FAM186A: variants seen among roughly 807,000 people sequenced by gnomAD.
FAM186A encodes the protein protein FAM186A.
FAM186A carries 163 observed loss-of-function variants against 216.8 expected under a neutral mutation model. The ratio of observed to expected loss-of-function variants is 0.75; its 90% CI spans 0.66 to 0.86. The LOEUF is 0.86. Ranked by LOEUF, FAM186A falls within the 40% of genes least tolerant of loss-of-function variation. FAM186A has a pLI of 0.00. For missense variants in FAM186A, 2,184 were observed against 2,746.2 expected, an observed-to-expected ratio of 0.80 and a Z score of 4.58; for synonymous variants, 805 against 1,025.3, an observed-to-expected ratio of 0.79 and a Z score of 4.10.
intron 4 of FAM186A, among the ~76,000 whole-genome samples, chr12:50,349,796 T>C (rs1349146625): frequency 6.6e-6 from 1 of 152,036 alleles, no homozygotes; most frequent in East Asian, 1.9e-4. Context: ...GGATTACAGG[T>C]GCACGCAACC....
At chr12:50,345,204 T>G (rs139179045) in intron 4 of FAM186A, among the ~76,000 whole-genome samples, 2 of 152,192 alleles carry the variant, frequency 1.3e-5, no homozygotes, top group African/African-American at 4.8e-5. Context: ...CAAGAAATCT[T>G]CAAACTACTT....
rs766330110 is a variant in FAM186A, at chr12:50,355,277, C to T, written c.1555G>A (p.Glu519Lys). Residue 519 changes from glutamate to lysine, a missense_variant, in exon 4 of 8, where the codon GAA becomes AAA. Around this residue, in one of 7 missense-constraint regions of FAM186A, gnomAD observed 1,132 missense variants for 1,263.4 expected, o/e 0.90. Coordinates refer to ENST00000327337, the MANE Select transcript of FAM186A (RefSeq NM_001145475.3). ...FSEDKSKSPT[E>K]AKRKHLSLTE... ...AAAGAGAGATGTTTTCTTTTTGCTT[C>T]AGTGGGTGACTTTGATTTATCTTCA... 9 of 1,551,220 alleles carry T rather than the reference C, an allele frequency of 5.8e-6. No individual in the cohort carries two copies. Among genetic ancestry groups the T allele is most frequent in the Non-Finnish European group, 7.8e-6 (9 of 1,146,890 alleles).
chr12:50,348,576 C>T (rs889072837), intron 4 of FAM186A, among the ~76,000 whole-genome samples: 1 of 151,442 alleles, frequency 6.6e-6, no homozygotes, highest in African/African-American at 2.4e-5. Flanking sequence ...TTATTTTTTC[C>T]TGAGATGGAG....
chr12:50,327,620 C>T (rs1050368017), intron 7 of FAM186A, among the ~76,000 whole-genome samples: 2 of 150,672 alleles, frequency 1.3e-5, no homozygotes, highest in Non-Finnish European at 2.9e-5. Context: ...CAGCTCACTG[C>T]AACCTCTGCT....
At chr12:50,392,222 CATT>C (rs1308558321) in intron 1 of FAM186A, among the ~76,000 whole-genome samples, 2 of 152,060 alleles carry the variant, frequency 1.3e-5, no homozygotes, top group Non-Finnish European at 2.9e-5. Flanking sequence ...TGGGCAAAAT[CATT>C]ATGTCGATGT....
At chr12:50,374,276 A>G (rs1392840162) in intron 1 of FAM186A, among the ~76,000 whole-genome samples, 9 of 152,152 alleles carry the variant, frequency 5.9e-5, no homozygotes, top group African/African-American at 1.9e-4. Context: ...CATTGTGCAC[A>G]TGTACCCTAA....
Position 50,351,074 on chromosome 12 carries a change from A to C in FAM186A, c.5758T>G (p.Ser1920Ala). The change falls in exon 4 of 8, where the codon TCT (serine) becomes GCT (alanine). Residue 1920 changes from serine (S) to alanine (A), a missense_variant. Physicochemically the swap from Ser to Ala is moderately conservative, Grantham distance 99. Coordinates refer to ENST00000327337, the MANE Select transcript of FAM186A (RefSeq NM_001145475.3). ...LATWTLPGRASSLWIPPTSRH... is the reference protein window; with the variant it reads ...LATWTLPGRAASLWIPPTSRH... ...GAGGTGGGAGGGATCCATAATGAAG[A>C]AGCTCGCCCAGGAAGGGTCCATGTT... is the stretch of plus-strand genomic sequence containing the variant. 1.9e-6 allele frequency: 3 copies of C among 1,551,442 alleles called. No homozygotes were observed. Among genetic ancestry groups the C allele is most frequent in the Non-Finnish European group, 2.6e-6 (3 of 1,146,946 alleles).
intron 4 of FAM186A, among the ~76,000 whole-genome samples, chr12:50,343,165 T>A (rs1438590775): frequency 6.6e-6 from 1 of 151,772 alleles, no homozygotes; most frequent in African/African-American, 2.4e-5. Context: ...CAGTGTACAG[T>A]GATCACGCCA....
intron 1 of FAM186A, among the ~76,000 whole-genome samples, chr12:50,377,705 C>T (rs1209970161): frequency 6.6e-6 from 1 of 151,056 alleles, no homozygotes; most frequent in Non-Finnish European, 1.5e-5. Flanking sequence ...TGGTGGCTGG[C>T]ACCTATAATC....
At chr12:50,368,366 T>C (rs10747578) in intron 1 of FAM186A, among the ~76,000 whole-genome samples, 147,583 of 152,050 alleles carry the variant, frequency 0.97, 71,772 homozygotes, top group East Asian at 1. Flanking sequence ...CGCCACTGCA[T>C]TCCAGCCTGG....
chr12:50,385,985 A>C (rs1592635162), intron 1 of FAM186A, among the ~76,000 whole-genome samples: 1 of 152,126 alleles, frequency 6.6e-6, no homozygotes, highest in Non-Finnish European at 1.5e-5. Context: ...CAGATTGTGG[A>C]GATGTTAGTC....
chr12:50,356,860 G>A (rs142833567), intron 3 of FAM186A, among the ~76,000 whole-genome samples: 5 of 152,112 alleles, frequency 3.3e-5, no homozygotes, highest in African/African-American at 9.6e-5. Flanking sequence ...TTAGCCAGGC[G>A]TGATGGCGCA....
chr12:50,370,456 A>G (rs1943133557), intron 1 of FAM186A, among the ~76,000 whole-genome samples: 1 of 152,208 alleles, frequency 6.6e-6, no homozygotes, highest in South Asian at 2.1e-4. Context: ...ATGATATACT[A>G]CTTCATACCC....
Position 50,352,646 on chromosome 12 carries a change from C to G in FAM186A, c.4186G>C (p.Gly1396Arg). Residue 1396 changes from glycine to arginine, a missense_variant, in exon 4 of 8, where the codon GGG becomes CGG. Physicochemically the swap from Gly to Arg is moderately radical, Grantham distance 125. Transcript: ENST00000327337. The stretch of plus-strand genomic sequence containing the variant: ...GCCTGCTGAGTGGTGAGAGGCATCC[C>G]CAAGGCCTGAGCCTGCTGAGGGGTG... ...PLTPQQAQAL[G>R]MPLTTQQAQE... 1 of 1,527,676 alleles carries G rather than the reference C, an allele frequency of 6.5e-7. No individual in the cohort carries two copies. Among genetic ancestry groups the G allele is most frequent in the Non-Finnish European group, 8.8e-7 (1 of 1,135,188 alleles). 94.6% of individuals were successfully genotyped at this position (1,527,676 alleles called of 1,614,324 possible).
chr12:50,362,065 C>T (rs991542756), intron 2 of FAM186A, among the ~76,000 whole-genome samples: 6 of 152,020 alleles, frequency 3.9e-5, no homozygotes, highest in South Asian at 2.1e-4. Context: ...CTCCACCTCC[C>T]GGGTTCAAAC....
intron 2 of FAM186A, among the ~76,000 whole-genome samples, chr12:50,362,053 A>G (rs572322920): frequency 5.3e-5 from 8 of 151,752 alleles, no homozygotes; most frequent in Non-Finnish European, 1.2e-4. Context: ...GCTCACTGCA[A>G]TCTCCACCTC....
intron 1 of FAM186A, among the ~76,000 whole-genome samples, chr12:50,387,036 G>T (rs1208440475): frequency 6.6e-6 from 1 of 152,014 alleles, no homozygotes; most frequent in Non-Finnish European, 1.5e-5. Flanking sequence ...GGGGTCGGAG[G>T]AGCAGATTCT....
At chr12:50,372,994 G>GGAAGGAAGGAAGGAAAGAAAGAAA (rs1491450637) in intron 1 of FAM186A, among the ~76,000 whole-genome samples, 1 of 59,508 alleles carries the variant, frequency 1.7e-5, no homozygotes, top group Non-Finnish European at 3.8e-5. Flanking sequence ...AAGGAAGGAA[G>GGAAGGAAGGAAGGAAAGAAAGAAA]GAATGAAAGA....
rs1942965702 is a variant in FAM186A at position 50,355,505 on chromosome 12, T to C, written c.1327A>G (p.Lys443Glu). The stretch of plus-strand genomic sequence containing the variant: ...TCATCTTCCTGATAGAAATCACCTT[T>C]CTTCAATGATACGTTATCTTTAGTG... Reference protein sequence around the residue: ...DSTKDNVSLKKGDFYQEDETD... With the variant: ...DSTKDNVSLKEGDFYQEDETD... Residue 443 changes from lysine to glutamate, a missense_variant, in exon 4 of 8, where the codon AAA becomes GAA. Physicochemically the swap from Lys to Glu is moderately conservative, Grantham distance 56. Around this residue, in one of 7 missense-constraint regions of FAM186A, gnomAD observed 1,132 missense variants for 1,263.4 expected, o/e 0.90. Coordinates refer to ENST00000327337, the MANE Select transcript of FAM186A (RefSeq NM_001145475.3). 3.9e-6 allele frequency: 6 copies of C among 1,551,358 alleles called. No homozygotes were observed. The highest frequency in any genetic ancestry group is 5.2e-6 in the Non-Finnish European group (6 of 1,146,932).
Sources: allele counts gnomAD v4.1 joint callset (sites outside exome capture counted in the v4.1 genomes callset), GRCh38; gene constraint gnomAD v4.1.1; regional missense constraint gnomAD v4.1.1; transcripts MANE v1.5; gene names NCBI Gene and HGNC (gene_info 2026-07-23, HGNC 2026-07-21).